NF1: variants seen among roughly 807,000 people sequenced by gnomAD.
NF1 encodes the protein neurofibromin.
In NF1, 122 loss-of-function variants were observed where a neutral mutation model predicts 325.7. That is an observed-to-expected ratio of 0.37 (90% CI 0.32 to 0.44). The LOEUF is 0.44. Among genes scored for constraint, NF1 ranks in the 20% least tolerant of loss-of-function variants. The pLI is 1.00. For missense variants in NF1, 2,140 were observed against 3,415.4 expected, an observed-to-expected ratio of 0.63 and a Z score of 9.31; for synonymous variants, 1,091 against 1,186.0, an observed-to-expected ratio of 0.92 and a Z score of 1.65.
chr17:31,214,686 C>T (rs2066790466), intron 13 of NF1, 101 bp downstream of exon 13: 2 of 1,074,038 alleles, frequency 1.9e-6, no homozygotes, highest in African/African-American at 3.2e-5. Flanking sequence ...CTCAAGAGCA[C>T]TTACTGATCC....
At position 31,304,601 on chromosome 17, in the gene NF1, C is replaced by G. The variant is rs775216222; in HGVS notation, c.4836-21219C>G. 167 of 1,614,108 alleles carry G rather than the reference C, an allele frequency of 1.0e-4. No homozygotes were observed. The Middle Eastern group carries it at 1.2e-3, about 11-fold the overall frequency. ...AGAAGGGGAGGTGGTGGAGGCAGAT[C>G]TGCATCATCTGAAGAAGAAACAGCA... On this transcript the variant is annotated intron_variant, in intron 36 of 57. Coordinates refer to ENST00000358273, the MANE Select transcript of NF1 (RefSeq NM_001042492.3).
chr17:31,240,998 C>T (rs977150263), intron 29 of NF1, among the ~76,000 whole-genome samples: 2 of 152,100 alleles, frequency 1.3e-5, no homozygotes, highest in South Asian at 2.1e-4. Context: ...CTGCCACAGC[C>T]TCCTGAGTAG....
At chr17:31,240,515 A>C (rs539728259) in intron 29 of NF1, among the ~76,000 whole-genome samples, 2 of 152,286 alleles carry the variant, frequency 1.3e-5, no homozygotes, top group African/African-American at 4.8e-5. Flanking sequence ...AATGTAGGCT[A>C]TTGTGAATAG....
intron 1 of NF1, among the ~76,000 whole-genome samples, chr17:31,135,480 C>A (rs12942397): frequency 0.55 from 84,200 of 151,854 alleles, 26,376 homozygotes; most frequent in Middle Eastern, 0.76. Flanking sequence ...TTTTCTTCTG[C>A]CTGGAGAGTT....
At chr17:31,304,249 G>A (rs916339200) in intron 36 of NF1, 2 of 1,562,270 alleles carry the variant, frequency 1.3e-6, no homozygotes. Context: ...CAGCTAAAAA[G>A]CAAGTTGTAA....
chr17:31,210,471 G>C (rs118034490), intron 12 of NF1, among the ~76,000 whole-genome samples: 1,683 of 152,186 alleles, frequency 0.011, 13 homozygotes, highest in Non-Finnish European at 0.017. Context: ...TGTAGTTATA[G>C]CTACTCAGGA....
At chr17:31,168,363 A>G (rs1278649719) in intron 4 of NF1, among the ~76,000 whole-genome samples, 3 of 152,184 alleles carry the variant, frequency 2.0e-5, no homozygotes, top group African/African-American at 7.2e-5. Flanking sequence ...TGTCATACCT[A>G]TCAAGAATCA....
chr17:31,108,618 A>G (rs1913110162), intron 1 of NF1, among the ~76,000 whole-genome samples: 1 of 152,020 alleles, frequency 6.6e-6, no homozygotes, highest in African/African-American at 2.4e-5. Context: ...CCATTACTCA[A>G]TTTCTCCCTA....
chr17:31,210,885 T>C (rs571623200), intron 12 of NF1, among the ~76,000 whole-genome samples: 1 of 152,290 alleles, frequency 6.6e-6, no homozygotes, highest in East Asian at 1.9e-4. Flanking sequence ...CTTTGTACCT[T>C]TGTAGTATTT....
chr17:31,288,075 G>A (rs1417345958), intron 36 of NF1, among the ~76,000 whole-genome samples: 2 of 150,942 alleles, frequency 1.3e-5, no homozygotes, highest in African/African-American at 4.9e-5. Flanking sequence ...AAAACTTAAA[G>A]TATAATAATA....
intron 5 of NF1, among the ~76,000 whole-genome samples, chr17:31,178,068 A>G (rs1219116867): frequency 6.6e-6 from 1 of 152,186 alleles, no homozygotes; most frequent in Non-Finnish European, 1.5e-5. Flanking sequence ...TATAATCGTC[A>G]GATTCACCAA....
In NF1 at chr17:31,307,485, G is replaced by A. The variant is rs546212600; in HGVS notation, c.4836-18335G>A. Among the ~76,000 whole-genome samples the A allele has an allele frequency of 2.0e-5, 3 of 152,298 alleles. No homozygotes were observed. In the East Asian group the frequency reaches 5.8e-4, roughly 29 times the overall value. On this transcript the variant is annotated intron_variant, in intron 36 of 57. Transcript: ENST00000358273. ...AGGGAGAGCAACAATGTGGGCACAGGAAAATAAGGCACATATGAAAGTTTG... is the reference window on the plus strand; with the variant it reads ...AGGGAGAGCAACAATGTGGGCACAGAAAAATAAGGCACATATGAAAGTTTG...
At chr17:31,162,466 A>G (rs1384790903) in intron 3 of NF1, among the ~76,000 whole-genome samples, 1 of 152,204 alleles carries the variant, frequency 6.6e-6, no homozygotes, top group South Asian at 2.1e-4. Context: ...CTAAGGAAAC[A>G]TCATGTTGTA....
intron 36 of NF1, among the ~76,000 whole-genome samples, chr17:31,322,585 TGA>T (rs1460402078): frequency 1.4e-5 from 2 of 143,778 alleles, no homozygotes; most frequent in Non-Finnish European, 3.0e-5. Flanking sequence ...CTAGGTAGGT[TGA>T]GGTAGGAGGA....
In NF1 at chr17:31,349,193, C is replaced by T. The variant is rs1597858494; in HGVS notation, c.7263C>T (p.Asn2421=). 6.2e-7 allele frequency: 1 copy of T among 1,613,476 alleles called. No homozygotes were observed. The highest frequency in any genetic ancestry group is 8.5e-7 in the Non-Finnish European group (1 of 1,179,720). The change falls in exon 49 of 58, where the codon AAC becomes AAT. Residue 2421 remains asparagine, a synonymous_variant. Transcript: ENST00000358273. ...TACATACACTACTAACTCTGGTTAA[C>T]AAACACAGAAATTGTGACAAATTTG... The part of the protein sequence containing the change: ...RILHTLLTLV[N]KHRNCDKFEV...
At chr17:31,256,799 A>G (rs1567861309) in intron 31 of NF1, among the ~76,000 whole-genome samples, 1 of 152,166 alleles carries the variant, frequency 6.6e-6, no homozygotes, top group Non-Finnish European at 1.5e-5. Context: ...CCCTTATTTA[A>G]GGGTTAAGGT....
intron 21 of NF1, 81 bp downstream of exon 21, chr17:31,229,546 T>A: frequency 6.7e-7 from 1 of 1,488,352 alleles, no homozygotes; most frequent in Non-Finnish European, 9.3e-7. Context: ...TCAGATTATT[T>A]AAATTAGGTA....
chr17:31,112,902 TTTAG>T (rs1314163116), intron 1 of NF1, among the ~76,000 whole-genome samples: 2 of 152,212 alleles, frequency 1.3e-5, no homozygotes, highest in African/African-American at 4.8e-5. Flanking sequence ...GTGGCTCATT[TTTAG>T]TTAATTTTTG....
intron 4 of NF1, 112 bp from the exon 5 acceptor site, chr17:31,169,779 C>G: frequency 1.4e-6 from 1 of 716,280 alleles, no homozygotes; most frequent in Non-Finnish European, 2.5e-6. Context: ...CTCCTGGCCT[C>G]AAGTGGTCCT....
Sources: allele counts gnomAD v4.1 joint callset (sites outside exome capture counted in the v4.1 genomes callset), GRCh38; gene constraint gnomAD v4.1.1; transcripts MANE v1.5; gene names NCBI Gene and HGNC (gene_info 2026-07-23, HGNC 2026-07-21).